The following ADGRL2 variants were observed in gnomAD, a reference collection of about 807,000 sequenced individuals.
ADGRL2 encodes calcium-independent alpha-latrotoxin receptor 2.
In ADGRL2, 44 loss-of-function variants were observed where a neutral mutation model predicts 157.4. The ratio of observed to expected loss-of-function variants is 0.28; its 90% confidence interval spans 0.22 to 0.36. ADGRL2 has a LOEUF of 0.36. Ranked by LOEUF, ADGRL2 falls within the 10% of genes least tolerant of loss-of-function variation. The pLI, the probability that ADGRL2 is intolerant of heterozygous loss-of-function variation, is 1.00. For missense variants in ADGRL2, 1,510 were observed against 1,768.9 expected, an observed-to-expected ratio of 0.85 and a Z score of 2.63; for synonymous variants, 585 against 624.7, an observed-to-expected ratio of 0.94 and a Z score of 0.95.
chr1:81,765,630 T>C (rs1039355317), intron 2 of ADGRL2, among the ~76,000 whole-genome samples: 5 of 152,076 alleles, frequency 3.3e-5, no homozygotes, highest in Non-Finnish European at 7.4e-5. Context: ...GTAGTTAATC[T>C]GCCCTTCAAC....
At chr1:81,975,665 A>G (rs1267139296) in intron 17 of ADGRL2, among the ~76,000 whole-genome samples, 1 of 152,024 alleles carries the variant, frequency 6.6e-6, no homozygotes, top group East Asian at 1.9e-4. Context: ...AGAAGGGGAA[A>G]GCACAGAAGT....
chr1:81,548,069 C>T (rs2080061505), intron 2 of ADGRL2, among the ~76,000 whole-genome samples: 1 of 152,122 alleles, frequency 6.6e-6, no homozygotes, highest in African/African-American at 2.4e-5. Context: ...TTCTCTTACC[C>T]ACTGCAGTCT....
intron 2 of ADGRL2, among the ~76,000 whole-genome samples, chr1:81,482,939 C>T (rs1056506432): frequency 1.3e-5 from 2 of 152,018 alleles, no homozygotes; most frequent in Non-Finnish European, 2.9e-5. Context: ...AGAATGTTCA[C>T]TTTCTCTTCC....
intron 2 of ADGRL2, among the ~76,000 whole-genome samples, chr1:81,559,431 C>T (rs2080389261): frequency 6.6e-6 from 1 of 150,482 alleles, no homozygotes; most frequent in African/African-American, 2.4e-5. Context: ...GGTCTGTGCC[C>T]AATAAGCTAT....
intron 1 of ADGRL2, among the ~76,000 whole-genome samples, chr1:81,706,781 AAGG>A (rs1292026095): frequency 3.9e-5 from 6 of 152,172 alleles, no homozygotes; most frequent in African/African-American, 1.4e-4. Context: ...ATCAGGCATC[AAGG>A]AGGAGACACA....
intron 1 of ADGRL2, among the ~76,000 whole-genome samples, chr1:81,358,083 T>G (rs1015129582): frequency 9.3e-5 from 12 of 129,354 alleles, no homozygotes; most frequent in African/African-American, 2.8e-4. Context: ...TAGCCTTTTT[T>G]ATTACAAGAA....
chr1:81,502,160 G>A (rs1308859633), intron 2 of ADGRL2: 1 of 1,591,452 alleles, frequency 6.3e-7, no homozygotes, highest in East Asian at 2.3e-5. Context: ...TGTGCAGAAA[G>A]TAGCTCGCCA....
At chr1:81,477,604 C>A (rs1407914320) in intron 2 of ADGRL2, among the ~76,000 whole-genome samples, 3 of 152,154 alleles carry the variant, frequency 2.0e-5, no homozygotes, top group African/African-American at 7.2e-5. Context: ...TATGCCCTGG[C>A]ACTCCTGCAG....
Position 81,969,164 on chromosome 1 carries a change from C to T in ADGRL2, c.2524-14C>T, listed in dbSNP as rs748127614. 23 of 1,587,878 alleles carry T rather than the reference C, an allele frequency of 1.4e-5. No homozygotes were observed. Among genetic ancestry groups the T allele is most frequent in the Non-Finnish European group, 2.0e-5 (23 of 1,156,924 alleles). On this transcript the variant is annotated splice_polypyrimidine_tract_variant and intron_variant, in intron 14 of 23. Transcript: ENST00000686636. ...GCAGGAATACTAATGTTCCTCATATCTTTTTATTTTCAGTATAAAGATGGC... is the reference window on the plus strand; with the variant it reads ...GCAGGAATACTAATGTTCCTCATATTTTTTTATTTTCAGTATAAAGATGGC...
Position 81,736,073 on chromosome 1 carries a change from G to A in ADGRL2, c.-142-25738G>A, listed in dbSNP as rs137891822. Among the ~76,000 whole-genome samples the A allele has an allele frequency of 2.5e-4, 38 of 150,316 alleles. 2 individuals are homozygous for A. The East Asian group carries it at 7.5e-3, about 30-fold the overall frequency. On this transcript the variant is annotated intron_variant, in intron 1 of 20. Transcript: ENST00000359929. ...CAGGAGAATGGCATGAATCCAAGAG[G>A]CAGAGGTTGCAGTGAACCGAGATCA... is the stretch of plus-strand genomic sequence containing the variant.
rs1664821766 is a variant in ADGRL2, at chr1:81,993,058, C to CATACATAT, written c.*1916_*1917insCATATATA. Reference sequence around the variant, plus strand: ...AAATTAAGTGCATATATATAATATACATATATATATATATATATATATATA... The same window carrying CATACATAT: ...AAATTAAGTGCATATATATAATATACATACATATATATATATATATATATATATATATA... On this transcript the variant is annotated 3_prime_UTR_variant, in exon 24 of 24. Transcript: ENST00000686636. 2.4e-5 allele frequency among the ~76,000 whole-genome samples: 1 copy of CATACATAT among 40,848 alleles called. No individual in the cohort carries two copies. The highest frequency in any genetic ancestry group is 3.8e-5 in the Non-Finnish European group (1 of 25,976). 26.8% of individuals were successfully genotyped at this position (40,848 alleles called of 152,430 possible). A position where few individuals can be genotyped will look rare whatever the true frequency, so the allele number is the denominator to read the frequency against.
chr1:81,854,251 G>A (rs1030343084), intron 2 of ADGRL2, among the ~76,000 whole-genome samples: 8 of 152,122 alleles, frequency 5.3e-5, no homozygotes, highest in African/African-American at 1.4e-4. Context: ...GGATACTGCC[G>A]AACCACTGGA....
chr1:81,366,179 T>C (rs529215016), intron 1 of ADGRL2, among the ~76,000 whole-genome samples: 1 of 152,254 alleles, frequency 6.6e-6, no homozygotes, highest in South Asian at 2.1e-4. Flanking sequence ...TACTAAATTG[T>C]TTACTACAGT....
intron 1 of ADGRL2, among the ~76,000 whole-genome samples, chr1:81,831,031 A>G (rs1354036527): frequency 6.6e-6 from 1 of 152,162 alleles, no homozygotes; most frequent in East Asian, 1.9e-4. Flanking sequence ...CAGTGCAGTG[A>G]GCCAAACATA....
chr1:81,906,541 G>GA (rs923487424), intron 2 of ADGRL2, among the ~76,000 whole-genome samples: 3 of 151,968 alleles, frequency 2.0e-5, no homozygotes, highest in Non-Finnish European at 2.9e-5. Flanking sequence ...TTATTGTGGG[G>GA]AAAAAACTGC....
chr1:81,666,123 A>G (rs1431062925), intron 3 of ADGRL2, among the ~76,000 whole-genome samples: 1 of 152,218 alleles, frequency 6.6e-6, no homozygotes, highest in East Asian at 1.9e-4. Context: ...CAATTTTTAA[A>G]TAGACTCTCA....
At chr1:81,621,145 A>T (rs1010352698) in intron 3 of ADGRL2, among the ~76,000 whole-genome samples, 1 of 152,174 alleles carries the variant, frequency 6.6e-6, no homozygotes, top group African/African-American at 2.4e-5. Context: ...TTGGCCATCT[A>T]GATGAGCAGC....
At chr1:81,671,496 G>A (rs954910569) in intron 3 of ADGRL2, among the ~76,000 whole-genome samples, 3 of 150,620 alleles carry the variant, frequency 2.0e-5, no homozygotes, top group South Asian at 2.1e-4. Flanking sequence ...GGTCTGGGAT[G>A]GGCCTTGAGA....
chr1:81,883,828 A>G (rs930185178), intron 2 of ADGRL2, among the ~76,000 whole-genome samples: 2 of 151,952 alleles, frequency 1.3e-5, no homozygotes, highest in African/African-American at 4.8e-5. Context: ...TTCCTTTATC[A>G]GTTTTAAAAG....
Sources: gnomAD v4.1 joint callset for allele counts (sites outside exome capture counted in the v4.1 genomes callset) on GRCh38, gnomAD v4.1.1 for gene constraint, MANE v1.5 for transcripts, NCBI Gene and HGNC (gene_info 2026-07-23, HGNC 2026-07-21) for gene names.